PKHD1: variants seen among roughly 807,000 people sequenced by gnomAD.
The protein encoded by PKHD1 is PKHD1 ciliary IPT domain containing fibrocystin/polyductin, also known as fibrocystin.
A neutral mutation model predicts 412.0 loss-of-function variants in PKHD1; 291 were observed. The ratio of observed to expected loss-of-function variants is 0.71; its 90% CI spans 0.64 to 0.78. PKHD1 has a LOEUF of 0.78. Ranked by LOEUF, PKHD1 falls within the 30% of genes least tolerant of loss-of-function variation. The probability of loss-of-function intolerance (pLI) is 0.00; values close to 1 mark genes in which losing one functional copy is unlikely to be tolerated. For synonymous variants in PKHD1, 1,777 were observed against 1,821.5 expected (o/e 0.98, Z 0.62); for missense variants, 4,825 against 4,950.7 (o/e 0.97, Z 0.76).
At chr6:51,637,277 C>T (rs542501897) in intron 64 of PKHD1, among the ~76,000 whole-genome samples, 2 of 152,274 alleles carry the variant, frequency 1.3e-5, no homozygotes, top group East Asian at 3.9e-4. Context: ...CATTCAAAAA[C>T]TCAAGCTTAC....
At chr6:51,891,265 GTTTT>G (rs564456613) in intron 43 of PKHD1, among the ~76,000 whole-genome samples, 1 of 152,024 alleles carries the variant, frequency 6.6e-6, no homozygotes, top group Non-Finnish European at 1.5e-5. Flanking sequence ...TTGGGGTTTT[GTTTT>G]TTTGTTTGTT....
intron 35 of PKHD1, among the ~76,000 whole-genome samples, chr6:52,004,716 A>T: frequency 6.6e-6 from 1 of 152,202 alleles, no homozygotes; most frequent in East Asian, 1.9e-4. Flanking sequence ...CAGAGCTAGA[A>T]TATTTTATTC....
rs1206664389 is a variant in PKHD1 at position 51,619,140 on chromosome 6, C to T, written c.12166G>A (p.Ala4056Thr). The change falls in exon 67 of 67, where the codon GCC (alanine) becomes ACC (threonine). Residue 4056 changes from alanine to threonine, a missense_variant. Ala to Thr is a moderately conservative substitution (Grantham distance 58). Coordinates refer to ENST00000371117, the MANE Select transcript of PKHD1 (RefSeq NM_138694.4). Reference protein sequence around the residue: ...LSQEKKASCGATEAFCLHSVH... With the variant: ...LSQEKKASCGTTEAFCLHSVH... Reference sequence around the variant, plus strand: ...GAATGAAGGCAGAATGCCTCAGTGGCCCCGCAGGAGGCTTTCTTCTCTTGG... The same window carrying T: ...GAATGAAGGCAGAATGCCTCAGTGGTCCCGCAGGAGGCTTTCTTCTCTTGG... The T allele has an allele frequency of 2.5e-6, 4 of 1,614,100 alleles. No individual in the cohort carries two copies. Among genetic ancestry groups the T allele is most frequent in the South Asian group, 1.1e-5 (1 of 91,094 alleles).
At chr6:51,946,032 A>T (rs889072195) in intron 36 of PKHD1, among the ~76,000 whole-genome samples, 7 of 152,208 alleles carry the variant, frequency 4.6e-5, no homozygotes, top group African/African-American at 1.7e-4. Flanking sequence ...TCCAAAAAGG[A>T]TTTGAAACAG....
intron 53 of PKHD1, among the ~76,000 whole-genome samples, chr6:51,786,864 A>C (rs750692234): frequency 6.6e-6 from 1 of 152,216 alleles, no homozygotes; most frequent in Non-Finnish European, 1.5e-5. Flanking sequence ...CACATGTGAA[A>C]TTCTTTAAGC....
chr6:52,085,254 C>T (rs1344574985), intron 1 of PKHD1, among the ~76,000 whole-genome samples: 1 of 123,934 alleles, frequency 8.1e-6, no homozygotes, highest in Admixed American at 8.3e-5. Flanking sequence ...TAAATAATAA[C>T]CTCTTTCATT....
intron 52 of PKHD1, among the ~76,000 whole-genome samples, chr6:51,828,234 T>G (rs1287260984): frequency 6.6e-6 from 1 of 152,098 alleles, no homozygotes; most frequent in Non-Finnish European, 1.5e-5. Flanking sequence ...ACTCTTGATT[T>G]AAATTCTCTG....
In PKHD1 at chr6:51,659,799, T is replaced by C. The variant is rs755692013; in HGVS notation, c.10327A>G (p.Ser3443Gly). The C allele has an allele frequency of 4.3e-6, 7 of 1,613,818 alleles. No individual in the cohort carries two copies. In the South Asian group the frequency reaches 4.4e-5, roughly 10 times the overall value. ...VTSGFVDVFS[S>G]VNANIPCSTS... ...GAGCAGGGAATATTGGCATTTACAC[T>C]GCTAAAGACATCAACAAAACCACTA... is the stretch of plus-strand genomic sequence containing the variant. The change falls in exon 61 of 67, where the codon AGT becomes GGT. Residue 3443 changes from serine (S) to glycine (G), a missense_variant. Physicochemically the swap from Ser to Gly is moderately conservative, Grantham distance 56 (BLOSUM62 0). Coordinates refer to ENST00000371117, the MANE Select transcript of PKHD1 (RefSeq NM_138694.4).
intron 23 of PKHD1, among the ~76,000 whole-genome samples, chr6:52,048,041 G>A (rs1012832904): frequency 1.3e-5 from 2 of 152,210 alleles, no homozygotes; most frequent in African/African-American, 4.8e-5. Context: ...TGACCACAGA[G>A]GCGGTGGTTG....
chr6:51,648,072 A>G lies in PKHD1; in HGVS notation c.11357T>C (p.Ile3786Thr). ...SLGPPSEPWT[I>T]SASLEGASDS... ...TGATGCTCCTTCCAGGGAAGCTGAA[A>G]TTGTCCATGGCTCTGAAGGAGGTCC... is the stretch of plus-strand genomic sequence containing the variant. The change falls in exon 63 of 67, where the codon ATT becomes ACT. Residue 3786 changes from isoleucine to threonine, a missense_variant. Ile to Thr is a moderately conservative substitution (Grantham distance 89, BLOSUM62 -1). Coordinates refer to ENST00000371117, the MANE Select transcript of PKHD1 (RefSeq NM_138694.4). 6.2e-7 allele frequency: 1 copy of G among 1,609,932 alleles called. No homozygotes were observed. Among genetic ancestry groups the G allele is most frequent in the Non-Finnish European group, 8.5e-7 (1 of 1,176,114 alleles).
At chr6:51,872,204 G>A (rs1259187150) in intron 46 of PKHD1, among the ~76,000 whole-genome samples, 2 of 150,370 alleles carry the variant, frequency 1.3e-5, no homozygotes, top group Admixed American at 1.3e-4. Context: ...AGAAATAATT[G>A]AAGAATACTG....
chr6:51,925,326 G>A lies in PKHD1; in HGVS notation c.6121+8784C>T, dbSNP rs189255277. Among the ~76,000 whole-genome samples the A allele has an allele frequency of 5.9e-5, 9 of 152,270 alleles. No individual in the cohort carries two copies. In the South Asian group the frequency reaches 1.5e-3, roughly 25 times the overall value. ...TGAAATCCTCGTGTGTCTAAAATAC[G>A]ATACAGAGTCAGTTATGAGGTTTGC... On this transcript the variant is annotated intron_variant, in intron 37 of 66. Coordinates refer to ENST00000371117, the MANE Select transcript of PKHD1 (RefSeq NM_138694.4).
intron 55 of PKHD1, among the ~76,000 whole-genome samples, chr6:51,755,994 A>T (rs947425379): frequency 1.3e-5 from 2 of 152,148 alleles, no homozygotes; most frequent in African/African-American, 4.8e-5. Context: ...GGGAGTACAT[A>T]TTAATAATAC....
At chr6:51,626,266 C>T (rs1223035583) in intron 66 of PKHD1, among the ~76,000 whole-genome samples, 2 of 152,118 alleles carry the variant, frequency 1.3e-5, no homozygotes, top group Non-Finnish European at 2.9e-5. Context: ...TGATAATTGA[C>T]TCTTTGGAGT....
chr6:51,632,599 C>T lies in PKHD1; in HGVS notation c.11631G>A (p.Leu3877=), dbSNP rs1253054555. 1.9e-6 allele frequency: 3 copies of T among 1,613,074 alleles called. No homozygotes were observed. Among genetic ancestry groups the T allele is most frequent in the African/African-American group, 2.7e-5 (2 of 74,736 alleles). ...SVASWLALSC[L]VCCWLKRSKS... ...TGCTTCTTTTAAGCCAACAGCACAC[C>T]AGACAGCTCAGAGCCAGCCATGAGG... is the stretch of plus-strand genomic sequence containing the variant. The change falls in exon 65 of 67, where the codon CTG becomes CTA. Residue 3877 remains leucine, a synonymous_variant. Transcript: ENST00000371117.
At position 52,002,301 on chromosome 6, in the gene PKHD1, G is replaced by T. The variant is rs1219806637; in HGVS notation, c.5751+8008C>A. On this transcript the variant is annotated intron_variant, in intron 35 of 66. Coordinates refer to ENST00000371117, the MANE Select transcript of PKHD1 (RefSeq NM_138694.4). ...GAAAGGTTAAGTGAGTTGTTAAACA[G>T]TTGTAGTCAGACAGGGACATTGCTG... is the stretch of plus-strand genomic sequence containing the variant. 2.0e-5 allele frequency among the ~76,000 whole-genome samples: 3 copies of T among 152,224 alleles called. No individual in the cohort carries two copies. The East Asian group carries it at 5.8e-4, about 29-fold the overall frequency.
At chr6:51,621,929 G>A (rs1473195493) in intron 66 of PKHD1, 1 of 152,180 alleles carries the variant, frequency 6.6e-6, no homozygotes, top group Non-Finnish European at 1.5e-5. Context: ...GAAGGATAGT[G>A]AGTATCAAAA....
At chr6:52,010,073 T>G (rs943873372) in intron 35 of PKHD1, among the ~76,000 whole-genome samples, 19 of 152,106 alleles carry the variant, frequency 1.2e-4, no homozygotes, top group African/African-American at 4.6e-4. Flanking sequence ...GATTATCTGC[T>G]CAGAATTTGC....
chr6:51,751,034 C>T (rs1432466599), intron 57 of PKHD1, among the ~76,000 whole-genome samples: 3 of 152,136 alleles, frequency 2.0e-5, no homozygotes, highest in African/African-American at 7.2e-5. Flanking sequence ...ACTTCAGCCT[C>T]CCAAAGTGCT....
Sources: allele counts gnomAD v4.1 joint callset (sites outside exome capture counted in the v4.1 genomes callset), GRCh38; gene constraint gnomAD v4.1.1; transcripts MANE v1.5; gene names NCBI Gene and HGNC (gene_info 2026-07-23, HGNC 2026-07-21).